The following IGF1R variants were observed in gnomAD, a reference collection of about 807,000 sequenced individuals.
The protein encoded by IGF1R is insulin-like growth factor 1 receptor.
Under a neutral mutation model 144.6 loss-of-function variants are expected in IGF1R, and 44 were observed. The ratio of observed to expected loss-of-function variants is 0.30; its 90% CI spans 0.24 to 0.39. The LOEUF (loss-of-function observed/expected upper bound fraction) is 0.39, where lower values mean the gene tolerates loss of function less well. IGF1R is among the 10% of genes least tolerant of loss of function. The pLI, the probability that IGF1R is intolerant of heterozygous loss-of-function variation, is 1.00. For synonymous variants in IGF1R, 795 were observed against 722.8 expected (o/e 1.10, Z -1.60); for missense variants, 1,355 against 1,833.7 (o/e 0.74, Z 4.77).
chr15:98,721,277 T>C (rs1055877742), intron 2 of IGF1R, among the ~76,000 whole-genome samples: 21 of 152,354 alleles, frequency 1.4e-4, no homozygotes, highest in African/African-American at 4.8e-4. Context: ...CTGTACTTTT[T>C]ATCAGTAGGT....
At position 98,935,203 on chromosome 15, in the gene IGF1R, C is replaced by A; in HGVS notation, c.3187-113C>A. ...TACCCCATTACCTCACTGCTACCTT[C>A]AGACCCCTGTGCTCAGACCAGGCCG... On this transcript the variant is annotated intron_variant, in intron 16 of 20. Transcript: ENST00000650285. The surrounding 1 kb of genome is among the most constrained non-coding windows in gnomAD (Gnocchi z 4.2). The A allele has an allele frequency of 1.0e-6, 1 of 971,312 alleles. No homozygotes were observed. Among genetic ancestry groups the A allele is most frequent in the Non-Finnish European group, 1.6e-6 (1 of 618,524 alleles). 60.2% of individuals were successfully genotyped at this position (971,312 alleles called of 1,614,324 possible). A position where few individuals can be genotyped will look rare whatever the true frequency, so the allele number is the denominator to read the frequency against.
intron 3 of IGF1R, among the ~76,000 whole-genome samples, chr15:98,894,173 C>T (rs2014063038): frequency 6.6e-6 from 1 of 152,112 alleles, no homozygotes; most frequent in Admixed American, 6.5e-5. Context: ...CTCCTGGGCT[C>T]AAGTGATCCT....
In IGF1R at chr15:98,772,251, A is replaced by G. The variant is rs540436396; in HGVS notation, c.640+64144A>G. On this transcript the variant is annotated intron_variant, in intron 2 of 20. Transcript: ENST00000650285. ...AAATTGGTGAAATACCAACTTTACT[A>G]AAAACTACTAATTCATAATTTTTTG... Among the ~76,000 whole-genome samples the G allele has an allele frequency of 7.2e-5, 11 of 152,244 alleles. No individual in the cohort carries two copies. In the East Asian group the frequency reaches 1.7e-3, roughly 24 times the overall value.
chr15:98,694,030 C>T (rs1167966678), intron 1 of IGF1R, among the ~76,000 whole-genome samples: 2 of 152,210 alleles, frequency 1.3e-5, no homozygotes, highest in Non-Finnish European at 2.9e-5. Context: ...CTTGGCAGCA[C>T]CTGCCTCGTT....
intron 2 of IGF1R, among the ~76,000 whole-genome samples, chr15:98,813,379 A>T (rs754992342): frequency 2.0e-4 from 31 of 152,204 alleles, no homozygotes; most frequent in Non-Finnish European, 4.3e-4. Context: ...CTAGGGCCAG[A>T]TACCAGGCAA....
chr15:98,911,566 G>A (rs879386566), intron 7 of IGF1R, 125 bp downstream of exon 7: 20 of 1,243,072 alleles, frequency 1.6e-5, no homozygotes, highest in Middle Eastern at 5.2e-4. Flanking sequence ...GGAGAGCCAC[G>A]CCAAACATCC....
intron 2 of IGF1R, among the ~76,000 whole-genome samples, chr15:98,717,865 T>C (rs1400737153): frequency 1.3e-5 from 2 of 152,216 alleles, no homozygotes; most frequent in African/African-American, 4.8e-5. Flanking sequence ...ATGACAACTT[T>C]AGGTCTCACA....
rs951418521 is a variant in IGF1R at position 98,935,818 on chromosome 15, C to T, written c.3297+392C>T. Among the ~76,000 whole-genome samples the T allele has an allele frequency of 6.6e-6, 1 of 152,174 alleles. No homozygotes were observed. Among genetic ancestry groups the T allele is most frequent in the East Asian group, 1.9e-4 (1 of 5,184 alleles). ...ACTTCTCGATGCGCTTGACTCACAT[C>T]CTCGTATGTGTTCTCTCTCGTTATG... On this transcript the variant is annotated intron_variant, in intron 17 of 20. Coordinates refer to ENST00000650285, the MANE Select transcript of IGF1R (RefSeq NM_000875.5). The surrounding 1 kb of genome is among the most constrained non-coding windows in gnomAD (Gnocchi z 4.2).
chr15:98,881,474 C>T (rs192330811), intron 2 of IGF1R, among the ~76,000 whole-genome samples: 35 of 152,340 alleles, frequency 2.3e-4, no homozygotes, highest in Admixed American at 2.2e-3. Flanking sequence ...GTGTGCCCAC[C>T]ACCACACCTA....
intron 2 of IGF1R, among the ~76,000 whole-genome samples, chr15:98,888,438 A>AGAGAGAGAGAGTGT (rs1555457179): frequency 7.0e-6 from 1 of 143,354 alleles, no homozygotes; most frequent in Non-Finnish European, 1.5e-5. Flanking sequence ...AGAGAGAGAG[A>AGAGAGAGAGAGTGT]GTGTGTGTGT....
chr15:98,856,342 C>T (rs2011817931), intron 2 of IGF1R, among the ~76,000 whole-genome samples: 1 of 152,238 alleles, frequency 6.6e-6, no homozygotes, highest in Non-Finnish European at 1.5e-5. Flanking sequence ...GCTTTTCTGA[C>T]TATACATCTC....
chr15:98,796,397 A>G (rs2056242558), intron 2 of IGF1R, among the ~76,000 whole-genome samples: 1 of 152,208 alleles, frequency 6.6e-6, no homozygotes, highest in African/African-American at 2.4e-5. Context: ...CAGAAGCAAG[A>G]ACTCAGTGGG....
At chr15:98,672,162 G>C (rs780771370) in intron 1 of IGF1R, among the ~76,000 whole-genome samples, 1 of 152,162 alleles carries the variant, frequency 6.6e-6, no homozygotes, top group African/African-American at 2.4e-5. Context: ...GCCTGTAAAA[G>C]AATTGGGAAT....
At chr15:98,943,105 T>C (rs898040292) in intron 19 of IGF1R, 53 bp downstream of exon 19, 41 of 1,602,128 alleles carry the variant, frequency 2.6e-5, no homozygotes, top group Non-Finnish European at 2.3e-5. Flanking sequence ...CTCTGCACTT[T>C]CCACCAGCTC....
intron 2 of IGF1R, among the ~76,000 whole-genome samples, chr15:98,720,706 T>C (rs2054227639): frequency 6.6e-6 from 1 of 152,234 alleles, no homozygotes. Context: ...GGATTGATGT[T>C]AAGTCTTAGA....
rs80100925 is a variant in IGF1R at position 98,706,236 on chromosome 15, G to A, written c.95-1326G>A. Among the ~76,000 whole-genome samples, 387 of 152,304 alleles carry A rather than the reference G, an allele frequency of 2.5e-3. 2 individuals are homozygous for A. The highest frequency in any genetic ancestry group is 9.1e-3 in the African/African-American group (377 of 41,560). ...AGGGCACTGCCTGTTGGCATTTCTC[G>A]TGGTATCATACATGTTGGGTGCTTC... On this transcript the variant is annotated intron_variant, in intron 1 of 20. Coordinates refer to ENST00000650285, the MANE Select transcript of IGF1R (RefSeq NM_000875.5).
At chr15:98,776,191 T>TA (rs1175498897) in intron 2 of IGF1R, among the ~76,000 whole-genome samples, 4 of 150,986 alleles carry the variant, frequency 2.6e-5, no homozygotes, top group Non-Finnish European at 5.9e-5. Context: ...TTTATTTTTT[T>TA]ATTTTTTTTT....
chr15:98,923,077 A>G (rs971251305), intron 11 of IGF1R, among the ~76,000 whole-genome samples: 2 of 152,166 alleles, frequency 1.3e-5, no homozygotes, highest in African/African-American at 4.8e-5. Flanking sequence ...AGTCCATTGT[A>G]GCGTGCCTTG....
At chr15:98,780,010 A>G (rs1050526885) in intron 2 of IGF1R, among the ~76,000 whole-genome samples, 12 of 152,022 alleles carry the variant, frequency 7.9e-5, no homozygotes, top group African/African-American at 2.7e-4. Flanking sequence ...AGTGACTTGC[A>G]TGGGAGGTTA....
Sources: gnomAD v4.1 joint callset for allele counts (sites outside exome capture counted in the v4.1 genomes callset) on GRCh38, gnomAD v4.1.1 for gene constraint, Gnocchi (gnomAD v3.1) non-coding constraint, MANE v1.5 for transcripts, NCBI Gene and HGNC (gene_info 2026-07-23, HGNC 2026-07-21) for gene names.